The following CCDC171 variants were observed in gnomAD, a reference collection of about 807,000 sequenced individuals.
The protein encoded by CCDC171 is coiled-coil domain containing 171, also known as coiled-coil domain-containing protein 171.
CCDC171 carries 177 observed loss-of-function variants against 168.2 expected under a neutral mutation model. The observed-to-expected ratio is 1.05, with a 90% CI of 0.93 to 1.19. CCDC171 has a LOEUF of 1.19. CCDC171 is among the 50% of genes most tolerant of loss of function. CCDC171 has a pLI of 0.00. For synonymous variants in CCDC171, 687 were observed against 540.8 expected, an observed-to-expected ratio of 1.27 and a Z score of -3.75; for missense variants, 1,991 against 1,539.0, an observed-to-expected ratio of 1.29 and a Z score of -4.91.
chr9:15,965,608 A>T (rs556060398), intron 25 of CCDC171, among the ~76,000 whole-genome samples: 1 of 152,384 alleles, frequency 6.6e-6, no homozygotes, highest in Admixed American at 6.5e-5. Context: ...AATCTAGCAC[A>T]GTGCCTGACA....
rs142014015 is a variant in CCDC171, at chr9:15,666,265, G to A, written c.1018G>A (p.Glu340Lys). ...TATCAAGAATGAATTCAAAGAAGTTGAAAGTGCATATGAGCGAGAAAAGCA... is the reference window on the plus strand; with the variant it reads ...TATCAAGAATGAATTCAAAGAAGTTAAAAGTGCATATGAGCGAGAAAAGCA... ...EIIKNEFKEV[E>K]SAYEREKHNA... Residue 340 changes from glutamate to lysine, a missense_variant, in exon 9 of 26, where the codon GAA becomes AAA. Coordinates refer to ENST00000380701, the MANE Select transcript of CCDC171 (RefSeq NM_173550.4). 9.9e-6 allele frequency: 16 copies of A among 1,613,710 alleles called. No individual in the cohort carries two copies. In the African/African-American group the frequency reaches 1.7e-4, roughly 18 times the overall value.
At chr9:15,908,629 C>T (rs1589086216) in intron 24 of CCDC171, among the ~76,000 whole-genome samples, 1 of 151,990 alleles carries the variant, frequency 6.6e-6, no homozygotes, top group Non-Finnish European at 1.5e-5. Flanking sequence ...CGTTGTGCAC[C>T]TGTACCCTAA....
At chr9:15,911,178 C>A (rs548170033) in intron 24 of CCDC171, among the ~76,000 whole-genome samples, 1 of 152,188 alleles carries the variant, frequency 6.6e-6, no homozygotes, top group Admixed American at 6.5e-5. Flanking sequence ...TAAAAGTGTT[C>A]CTATTTCTTC....
intron 25 of CCDC171, among the ~76,000 whole-genome samples, chr9:15,929,813 T>C (rs933320944): frequency 4.6e-5 from 7 of 151,772 alleles, no homozygotes; most frequent in African/African-American, 1.7e-4. Flanking sequence ...CTTTTAAAGA[T>C]TTCTCATATT....
chr9:16,011,327 G>A (rs903277034), intron 3 of CCDC171, among the ~76,000 whole-genome samples: 1 of 152,104 alleles, frequency 6.6e-6, no homozygotes, highest in Non-Finnish European at 1.5e-5. Flanking sequence ...CATCATTTAG[G>A]AACAATGCAG....
intron 3 of CCDC171, 124 bp downstream of exon 3, chr9:15,571,883 T>G: frequency 1.3e-6 from 1 of 777,904 alleles, no homozygotes; most frequent in Non-Finnish European, 2.0e-6. Context: ...AAAAGGAAAT[T>G]GTAATAAAGG....
At chr9:15,886,538 A>G (rs147283976) in intron 24 of CCDC171, 38 of 152,302 alleles carry the variant, frequency 2.5e-4, no homozygotes, top group Admixed American at 5.9e-4. Flanking sequence ...TGGTATAGCT[A>G]TTATGGAAAA....
At chr9:15,721,661 A>G (rs905188843) in intron 11 of CCDC171, 108 bp from the exon 12 acceptor site, 5 of 448,396 alleles carry the variant, frequency 1.1e-5, no homozygotes, top group Non-Finnish European at 2.0e-5. Context: ...TAATAGTTTC[A>G]TAACGTCTTT....
intron 24 of CCDC171, among the ~76,000 whole-genome samples, chr9:15,902,204 T>A (rs7852191): frequency 0.55 from 83,257 of 150,646 alleles, 23,208 homozygotes; most frequent in East Asian, 0.81. Flanking sequence ...TTTCCAGAAT[T>A]ATGGACTTTT....
At chr9:15,659,172 C>T (rs1423645040) in intron 8 of CCDC171, among the ~76,000 whole-genome samples, 2 of 152,164 alleles carry the variant, frequency 1.3e-5, no homozygotes, top group African/African-American at 2.4e-5. Context: ...TGTACATTTA[C>T]TCTTGACATC....
intron 11 of CCDC171, among the ~76,000 whole-genome samples, chr9:15,711,690 G>C (rs1385937456): frequency 6.6e-6 from 1 of 152,166 alleles, no homozygotes; most frequent in Admixed American, 6.5e-5. Context: ...GGGAGGAGCT[G>C]GGAAAGTAAG....
intron 6 of CCDC171, among the ~76,000 whole-genome samples, chr9:15,606,841 C>G (rs2043263751): frequency 6.6e-6 from 1 of 152,008 alleles, no homozygotes; most frequent in Admixed American, 6.5e-5. Flanking sequence ...TTCAACAGCC[C>G]CCTCTAGTGG....
At chr9:15,726,301 T>C (rs905570735) in intron 14 of CCDC171, among the ~76,000 whole-genome samples, 1 of 152,074 alleles carries the variant, frequency 6.6e-6, no homozygotes, top group Non-Finnish European at 1.5e-5. Flanking sequence ...GATTTTGGAG[T>C]CTCTTTTCAT....
chr9:15,874,401 C>T (rs1817569996), intron 23 of CCDC171, 131 bp from the exon 24 acceptor site: 2 of 680,048 alleles, frequency 2.9e-6, no homozygotes, highest in African/African-American at 3.7e-5. Context: ...ATCAATTAGT[C>T]CTAAATTTAT....
intron 18 of CCDC171, among the ~76,000 whole-genome samples, chr9:15,760,347 G>C (rs1417998812): frequency 6.6e-6 from 1 of 152,084 alleles, no homozygotes; most frequent in Non-Finnish European, 1.5e-5. Context: ...TCTATTTAGA[G>C]TAAGTTCTGA....
At chr9:15,887,457 A>T (rs1402088476) in intron 24 of CCDC171, among the ~76,000 whole-genome samples, 2 of 152,094 alleles carry the variant, frequency 1.3e-5, no homozygotes, top group African/African-American at 4.8e-5. Flanking sequence ...AGACTAACTT[A>T]AGAAGTAACT....
Position 15,744,541 on chromosome 9 carries a change from C to T in CCDC171, c.2318C>T (p.Ala773Val). The T allele has an allele frequency of 1.2e-6, 2 of 1,614,126 alleles. No homozygotes were observed. Among genetic ancestry groups the T allele is most frequent in the Non-Finnish European group, 1.7e-6 (2 of 1,180,028 alleles). The part of the protein sequence containing the change: ...ELFKLEIRTL[A>V]QALSTVEEKK... ...TTCAAACTGGAAATTAGAACTCTAG[C>T]CCAGGCTTTGTCAACTGTAGAGGAA... Residue 773 changes from alanine (A) to valine (V), a missense_variant, in exon 17 of 26, where the codon GCC (alanine) becomes GTC (valine). Coordinates refer to ENST00000380701, the MANE Select transcript of CCDC171 (RefSeq NM_173550.4).
intron 9 of CCDC171, among the ~76,000 whole-genome samples, chr9:15,674,457 G>A (rs2049363075): frequency 6.6e-6 from 1 of 152,132 alleles, no homozygotes; most frequent in Middle Eastern, 3.2e-3. Flanking sequence ...ATGTTAGGGT[G>A]TCGATTGTAG....
chr9:15,838,328 G>A (rs978671950), intron 21 of CCDC171, among the ~76,000 whole-genome samples: 4 of 152,100 alleles, frequency 2.6e-5, no homozygotes, highest in African/African-American at 9.7e-5. Flanking sequence ...ACCTTGGTTA[G>A]AATTCTTCTG....
Sources: allele counts gnomAD v4.1 joint callset (sites outside exome capture counted in the v4.1 genomes callset), GRCh38; gene constraint gnomAD v4.1.1; transcripts MANE v1.5; gene names NCBI Gene and HGNC (gene_info 2026-07-23, HGNC 2026-07-21).